The following SAMD5 variants were observed in gnomAD, a reference collection of about 807,000 sequenced individuals.
The protein encoded by SAMD5 is sterile alpha motif domain containing 5, also known as sterile alpha motif domain-containing protein 5.
SAMD5 carries 13 observed loss-of-function variants against 11.3 expected under a neutral mutation model. The ratio of observed to expected loss-of-function variants is 1.15; its 90% CI spans 0.75 to 1.83. The LOEUF (loss-of-function observed/expected upper bound fraction) is 1.83. Among genes scored for constraint, SAMD5 ranks in the 40% most tolerant of loss-of-function variants. The probability of loss-of-function intolerance (pLI) is 0.00; values close to 1 mark genes in which losing one functional copy is unlikely to be tolerated. For synonymous variants in SAMD5, 129 were observed against 111.3 expected, an observed-to-expected ratio of 1.16 and a Z score of -1.00; for missense variants, 255 against 239.1, an observed-to-expected ratio of 1.07 and a Z score of -0.44.
chr6:147,820,779 C>T, the SAMD5 span, among the ~76,000 whole-genome samples: 1 of 152,068 alleles, frequency 6.6e-6, no homozygotes, highest in Non-Finnish European at 1.5e-5. Flanking sequence ...GTGGAAAGGT[C>T]AAAGGAAAGA....
In SAMD5 at chr6:147,602,791, A is replaced by C. The variant is rs550586526; in HGVS notation, c.162+93404A>C. 2.9e-3 allele frequency among the ~76,000 whole-genome samples: 430 copies of C among 148,236 alleles called. 3 individuals carry two copies. The highest frequency in any genetic ancestry group is 9.7e-3 in the African/African-American group (387 of 40,086). ...CAAAAACCAACCAAACAAAAAAAAAACTCACCCAATAAAATAGAGTAGTTC... is the reference window on the plus strand; with the variant it reads ...CAAAAACCAACCAAACAAAAAAAAACCTCACCCAATAAAATAGAGTAGTTC... On this transcript the variant is annotated intron_variant, in intron 1 of 1. Coordinates refer to the SAMD5 transcript ENST00000566741.
chr6:147,640,516 A>AAAAAAAAAAAAAAAAAAC, intron 1 of SAMD5, among the ~76,000 whole-genome samples: 1 of 150,258 alleles, frequency 6.7e-6, no homozygotes, highest in Non-Finnish European at 1.5e-5. Context: ...AAAAAAAAAA[A>AAAAAAAAAAAAAAAAAAC]AAAAAAGAAT....
At chr6:147,768,659 CAAT>C in the SAMD5 span, among the ~76,000 whole-genome samples, 1 of 152,060 alleles carries the variant, frequency 6.6e-6, no homozygotes, top group African/African-American at 2.4e-5. Flanking sequence ...TATTTTTAAT[CAAT>C]AAATCATGTA....
chr6:147,570,074 G>T (rs1388444920), downstream of SAMD5: 3 of 918,322 alleles, frequency 3.3e-6, no homozygotes, highest in Non-Finnish European at 3.9e-6. Flanking sequence ...ATGTGATGGA[G>T]TTTGTGCATT....
chr6:147,757,747 G>T, the SAMD5 span, among the ~76,000 whole-genome samples: 1 of 151,936 alleles, frequency 6.6e-6, no homozygotes, highest in Non-Finnish European at 1.5e-5. Flanking sequence ...AAATTTTAAG[G>T]GTTTTTATTT....
the SAMD5 span, among the ~76,000 whole-genome samples, chr6:147,830,842 C>T: frequency 1.3e-5 from 2 of 152,174 alleles, no homozygotes; most frequent in South Asian, 4.1e-4. Context: ...TACTAGCAGT[C>T]ACTGGGAATA....
intron 1 of SAMD5, among the ~76,000 whole-genome samples, chr6:147,552,664 C>A (rs1289810435): frequency 6.6e-6 from 1 of 152,150 alleles, no homozygotes; most frequent in African/African-American, 2.4e-5. Flanking sequence ...TAAGAAAAGC[C>A]TAACAGTAAG....
intron 1 of SAMD5, chr6:147,737,272 T>C (rs2128460468): frequency 1.7e-6 from 2 of 1,144,312 alleles, no homozygotes; most frequent in Non-Finnish European, 2.2e-6. Context: ...ATGATTTCAC[T>C]GGGCAACACT....
At chr6:147,824,511 C>T in the SAMD5 span, among the ~76,000 whole-genome samples, 2 of 152,194 alleles carry the variant, frequency 1.3e-5, no homozygotes, top group East Asian at 1.9e-4. Flanking sequence ...AGGTCCTCAG[C>T]GCTCCTTGAT....
At chr6:147,908,664 T>C in the SAMD5 span, among the ~76,000 whole-genome samples, 1 of 152,086 alleles carries the variant, frequency 6.6e-6, no homozygotes, top group Admixed American at 6.5e-5. Context: ...GATACATATA[T>C]GTGCATACAG....
intron 1 of SAMD5, among the ~76,000 whole-genome samples, chr6:147,736,110 A>G (rs56178556): frequency 0.073 from 11,160 of 152,232 alleles, 492 homozygotes; most frequent in Non-Finnish European, 0.092. Context: ...AGGCTGTGCC[A>G]CCTGCTAGCA....
chr6:147,608,672 G>T (rs1789736810), intron 1 of SAMD5, among the ~76,000 whole-genome samples: 3 of 152,156 alleles, frequency 2.0e-5, no homozygotes, highest in Admixed American at 2.0e-4. Flanking sequence ...AGGGAAGGGT[G>T]GGGATGGTTA....
At chr6:147,789,569 A>T in the SAMD5 span, among the ~76,000 whole-genome samples, 2 of 152,216 alleles carry the variant, frequency 1.3e-5, no homozygotes, top group Non-Finnish European at 2.9e-5. Context: ...TATTATTAAT[A>T]TCTTACATGT....
chr6:147,598,836 GA>G (rs1789574968), intron 1 of SAMD5, among the ~76,000 whole-genome samples: 1 of 152,218 alleles, frequency 6.6e-6, no homozygotes, highest in African/African-American at 2.4e-5. Flanking sequence ...TGAAGTTGGG[GA>G]AGAGGACAGG....
At chr6:147,827,999 C>A in the SAMD5 span, among the ~76,000 whole-genome samples, 2 of 151,600 alleles carry the variant, frequency 1.3e-5, no homozygotes, top group Non-Finnish European at 2.9e-5. Context: ...GGGATTTTGC[C>A]GTGGTCTCGA....
the SAMD5 span, among the ~76,000 whole-genome samples, chr6:147,884,833 C>T: frequency 6.6e-6 from 1 of 152,142 alleles, no homozygotes; most frequent in African/African-American, 2.4e-5. Flanking sequence ...CTAAATATAA[C>T]TGCATGACTT....
chr6:147,758,648 G>A, the SAMD5 span, among the ~76,000 whole-genome samples: 2 of 152,210 alleles, frequency 1.3e-5, no homozygotes, highest in Admixed American at 1.3e-4. Flanking sequence ...AGTGGAAGAA[G>A]GAGAGCCTTA....
intron 1 of SAMD5, among the ~76,000 whole-genome samples, chr6:147,543,359 G>C (rs1788636206): frequency 1.3e-5 from 2 of 152,168 alleles, no homozygotes; most frequent in South Asian, 2.1e-4. Flanking sequence ...GCTAGAGAAA[G>C]TTCTAATGAG....
downstream of SAMD5, chr6:147,570,096 C>A: frequency 2.5e-6 from 2 of 787,536 alleles, no homozygotes; most frequent in Non-Finnish European, 3.1e-6. Context: ...TTTAAATTGA[C>A]AATATGTAAA....
Sources: gnomAD v4.1 joint callset for allele counts (sites outside exome capture counted in the v4.1 genomes callset) on GRCh38, gnomAD v4.1.1 for gene constraint, MANE v1.5 for transcripts, NCBI Gene and HGNC (gene_info 2026-07-23, HGNC 2026-07-21) for gene names.